ITGA11: variants seen among roughly 807,000 people sequenced by gnomAD.
ITGA11 encodes integrin subunit alpha 11, also known as integrin alpha-11.
A neutral mutation model predicts 141.9 loss-of-function variants in ITGA11; 97 were observed. The ratio of observed to expected loss-of-function variants is 0.68; its 90% CI spans 0.58 to 0.81. The LOEUF (loss-of-function observed/expected upper bound fraction) is 0.81, where lower values mean the gene tolerates loss of function less well. ITGA11 is among the 30% of genes least tolerant of loss of function. The probability of loss-of-function intolerance (pLI) is 0.00; values close to 1 mark genes in which losing one functional copy is unlikely to be tolerated. For synonymous variants in ITGA11, 658 were observed against 624.6 expected (o/e 1.05, Z -0.80); for missense variants, 1,387 against 1,559.2 (o/e 0.89, Z 1.86).
intron 1 of ITGA11, among the ~76,000 whole-genome samples, chr15:68,415,368 G>A (rs1382496478): frequency 6.6e-6 from 1 of 152,216 alleles, no homozygotes; most frequent in Non-Finnish European, 1.5e-5. Context: ...GGGTTCAAGG[G>A]ATGGAGGGTG....
intron 1 of ITGA11, among the ~76,000 whole-genome samples, chr15:68,416,405 C>T (rs555993593): frequency 5.9e-5 from 9 of 152,274 alleles, no homozygotes; most frequent in African/African-American, 1.9e-4. Context: ...AGACAGAGAA[C>T]GAGCAAGGGC....
intron 2 of ITGA11, among the ~76,000 whole-genome samples, chr15:68,385,299 G>A (rs949989211): frequency 1.6e-4 from 24 of 152,180 alleles, no homozygotes; most frequent in African/African-American, 5.1e-4. Context: ...GAGGCAGAAG[G>A]CCTGTGTGTG....
rs1479121838 is a variant in ITGA11 at position 68,331,060 on chromosome 15, T to C, written c.1822A>G (p.Ile608Val). The C allele has an allele frequency of 6.8e-6, 11 of 1,611,124 alleles. No homozygotes were observed. The highest frequency in any genetic ancestry group is 8.5e-6 in the Non-Finnish European group (10 of 1,178,820). ...ATGLQYFGCS[I>V]HGQLDLNEDG... ...TCATTGAGGTCCAATTGCCCGTGGA[T>C]GCTGCAGCCAAAATACTGGAGGCCG... Residue 608 changes from isoleucine (I) to valine (V), a missense_variant, in exon 15 of 30, where the codon ATC (isoleucine) becomes GTC (valine). By Grantham distance (29) the Ile-to-Val change is conservative. Transcript: ENST00000315757.
At chr15:68,353,059 G>A (rs1289735240) in intron 7 of ITGA11, among the ~76,000 whole-genome samples, 1 of 152,198 alleles carries the variant, frequency 6.6e-6, no homozygotes, top group Admixed American at 6.5e-5. Context: ...CCACAGCAAG[G>A]CAGGACAGGC....
chr15:68,384,431 T>A (rs1895934908), intron 2 of ITGA11, among the ~76,000 whole-genome samples: 1 of 152,138 alleles, frequency 6.6e-6, no homozygotes, highest in Admixed American at 6.5e-5. Flanking sequence ...TCCTTGGTCA[T>A]TCTCACTGCT....
At chr15:68,350,506 G>T in intron 9 of ITGA11, 111 bp downstream of exon 9, 1 of 1,047,054 alleles carries the variant, frequency 9.6e-7, no homozygotes, top group Non-Finnish European at 1.4e-6. Flanking sequence ...TTATTATTAC[G>T]GAAGACTCTT....
At chr15:68,364,572 C>T (rs551079187) in intron 4 of ITGA11, 135 bp downstream of exon 4, 2 of 734,278 alleles carry the variant, frequency 2.7e-6, no homozygotes, top group East Asian at 5.4e-5. Flanking sequence ...ATGCACAGGG[C>T]CAGGCAGCTT....
In ITGA11 at chr15:68,326,553, G is replaced by A. The variant is rs1047429771; in HGVS notation, c.2211+101C>T. On this transcript the variant is annotated intron_variant, in intron 17 of 29. Coordinates refer to ENST00000315757, the MANE Select transcript of ITGA11 (RefSeq NM_001004439.2). This position sits in a 1 kb window ranked among gnomAD's most constrained non-coding sequence, Gnocchi z 6.8. Reference sequence around the variant, plus strand: ...GTCCCTGGCTGGCTTCCTGAGGTCTGCTGGGGGCTTAGAACCAGCCAGGCA... The same window carrying A: ...GTCCCTGGCTGGCTTCCTGAGGTCTACTGGGGGCTTAGAACCAGCCAGGCA... The A allele has an allele frequency of 7.4e-7, 1 of 1,354,434 alleles. No individual in the cohort carries two copies. The highest frequency in any genetic ancestry group is 1.5e-5 in the African/African-American group (1 of 68,936). 83.9% of individuals were successfully genotyped at this position (1,354,434 alleles called of 1,614,324 possible).
intron 1 of ITGA11, among the ~76,000 whole-genome samples, chr15:68,418,398 A>G (rs1896937967): frequency 6.6e-6 from 1 of 152,156 alleles, no homozygotes; most frequent in African/African-American, 2.4e-5. Context: ...TCCTGGTTCT[A>G]TTGCCAGTAT....
chr15:68,365,174 C>A (rs1895379008), intron 3 of ITGA11: 1 of 985,446 alleles, frequency 1.0e-6, no homozygotes, highest in Non-Finnish European at 1.2e-6. Context: ...TGCAGTATCC[C>A]CGCTACGCTT....
At chr15:68,390,210 T>A (rs1896082954) in intron 2 of ITGA11, among the ~76,000 whole-genome samples, 1 of 152,120 alleles carries the variant, frequency 6.6e-6, no homozygotes, top group South Asian at 2.1e-4. Context: ...CTCTGAGTTG[T>A]GAGTGAGGTG....
At chr15:68,421,424 C>T (rs376739532) in intron 1 of ITGA11, among the ~76,000 whole-genome samples, 10 of 152,202 alleles carry the variant, frequency 6.6e-5, no homozygotes, top group Admixed American at 2.0e-4. Flanking sequence ...TCAGAGTAAG[C>T]GGGGAGCCCT....
chr15:68,311,035 G>T lies in ITGA11; in HGVS notation c.3133C>A (p.Pro1045Thr). 1 of 1,607,430 alleles carries T rather than the reference G, an allele frequency of 6.2e-7. No homozygotes were observed. Among genetic ancestry groups the T allele is most frequent in the Non-Finnish European group, 8.5e-7 (1 of 1,176,890 alleles). Reference protein sequence around the residue: ...NIWGNSTEYRPTPVEEDLRRA... With the variant: ...NIWGNSTEYRTTPVEEDLRRA... ...CGCAAGTCTTCCTCCACTGGGGTGG[G>T]CCGGTACTCAGTGCTATTGCCCCAG... The change falls in exon 26 of 30, where the codon CCC (proline) becomes ACC (threonine). Residue 1045 changes from proline to threonine, a missense_variant. Coordinates refer to ENST00000315757, the MANE Select transcript of ITGA11 (RefSeq NM_001004439.2).
chr15:68,330,910 A>G, intron 15 of ITGA11, 71 bp downstream of exon 15: 4 of 1,580,472 alleles, frequency 2.5e-6, no homozygotes, highest in East Asian at 2.3e-5. Context: ...CCTGAAGCCT[A>G]TCTTTAAAAC....
In ITGA11 at chr15:68,325,399, CG is replaced by C. The variant is rs1322991816; in HGVS notation, c.2212-159del. Among the ~76,000 whole-genome samples, 1 of 151,774 alleles carries C rather than the reference CG, an allele frequency of 6.6e-6. No individual in the cohort carries two copies. Among genetic ancestry groups the C allele is most frequent in the Non-Finnish European group, 1.5e-5 (1 of 67,776 alleles). ...TCTGCAGGTGGATGGAGGTTTCTAG[CG>C]GGTCTGTTGGTGGGAAGAGTGTGCT... is the stretch of plus-strand genomic sequence containing the variant. On this transcript the variant is annotated intron_variant, in intron 17 of 29. Transcript: ENST00000315757. This position sits in a 1 kb window ranked among gnomAD's most constrained non-coding sequence, Gnocchi z 5.5.
intron 7 of ITGA11, among the ~76,000 whole-genome samples, chr15:68,353,495 C>A (rs528181536): frequency 6.6e-6 from 1 of 152,206 alleles, no homozygotes; most frequent in South Asian, 2.1e-4. Context: ...AAAAGCATGG[C>A]AGGAGCAAAA....
At chr15:68,431,437 A>T (rs1316861420) in intron 1 of ITGA11, among the ~76,000 whole-genome samples, 1 of 152,062 alleles carries the variant, frequency 6.6e-6, no homozygotes, top group Non-Finnish European at 1.5e-5. Context: ...GGCAGACGAG[A>T]GCTAGCCCCC....
chr15:68,301,507 A>T lies in ITGA11; in HGVS notation c.*1552T>A, dbSNP rs1433927140. On this transcript the variant is annotated 3_prime_UTR_variant, in exon 30 of 30. Transcript: ENST00000315757. This position sits in a 1 kb window ranked among gnomAD's most constrained non-coding sequence, Gnocchi z 4.4. ...ATCTTGGGAGAGGGAGCGCTCCACCACTGGAGACGTCACACGGAGGCCAGG... is the reference window on the plus strand; with the variant it reads ...ATCTTGGGAGAGGGAGCGCTCCACCTCTGGAGACGTCACACGGAGGCCAGG... The T allele has an allele frequency of 6.6e-6, 1 of 152,298 alleles. No homozygotes were observed. The highest frequency in any genetic ancestry group is 6.5e-5 in the Admixed American group (1 of 15,282). 9.4% of individuals were successfully genotyped at this position (152,298 alleles called of 1,614,324 possible).
At chr15:68,361,830 T>G (rs938387764) in intron 4 of ITGA11, 126 bp from the exon 5 acceptor site, 1 of 644,134 alleles carries the variant, frequency 1.6e-6, no homozygotes, top group Non-Finnish European at 2.7e-6. Context: ...GGTGAGGGGG[T>G]GAGGGATCTT....
Sources: allele counts gnomAD v4.1 joint callset (sites outside exome capture counted in the v4.1 genomes callset), GRCh38; gene constraint gnomAD v4.1.1; non-coding constraint Gnocchi (gnomAD v3.1); transcripts MANE v1.5; gene names NCBI Gene and HGNC (gene_info 2026-07-23, HGNC 2026-07-21).